Variants in PDGFC observed in about 807,000 individuals in gnomAD.
The protein encoded by PDGFC is platelet derived growth factor C.
A neutral mutation model predicts 35.5 loss-of-function variants in PDGFC; 12 were observed. The observed-to-expected ratio is 0.34, with a 90% CI of 0.22 to 0.55. The LOEUF (loss-of-function observed/expected upper bound fraction) is 0.55, where lower values mean the gene tolerates loss of function less well. PDGFC is among the 20% of genes least tolerant of loss of function. The pLI is 0.91. For synonymous variants in PDGFC, 159 were observed against 148.8 expected, an observed-to-expected ratio of 1.07 and a Z score of -0.50; for missense variants, 322 against 412.4, an observed-to-expected ratio of 0.78 and a Z score of 1.90.
chr4:156,790,962 C>A (rs1731284331), intron 3 of PDGFC, among the ~76,000 whole-genome samples: 1 of 152,162 alleles, frequency 6.6e-6, no homozygotes, highest in Admixed American at 6.5e-5. Context: ...ATCAATTTCA[C>A]ATCTTGAAGG....
intron 1 of PDGFC, among the ~76,000 whole-genome samples, chr4:156,912,012 T>C (rs1431886118): frequency 1.3e-5 from 2 of 152,062 alleles, no homozygotes; most frequent in Non-Finnish European, 2.9e-5. Flanking sequence ...AAAGAGAAAC[T>C]AGAGTATGAA....
At chr4:156,951,970 T>A (rs1376116224) in intron 1 of PDGFC, among the ~76,000 whole-genome samples, 1 of 151,832 alleles carries the variant, frequency 6.6e-6, no homozygotes, top group Non-Finnish European at 1.5e-5. Context: ...TCAAACTTTC[T>A]TCCCCAAAAT....
At chr4:156,871,114 C>T (rs749109670) in intron 1 of PDGFC, among the ~76,000 whole-genome samples, 2 of 152,050 alleles carry the variant, frequency 1.3e-5, no homozygotes, top group Non-Finnish European at 1.5e-5. Flanking sequence ...GTATTCCTTC[C>T]TATTAACTGC....
At chr4:156,868,916 T>C (rs1167993943) in intron 1 of PDGFC, among the ~76,000 whole-genome samples, 1 of 152,200 alleles carries the variant, frequency 6.6e-6, no homozygotes, top group Admixed American at 6.5e-5. Flanking sequence ...AGCTCAGAAC[T>C]CTTTTTCAAA....
intron 1 of PDGFC, among the ~76,000 whole-genome samples, chr4:156,943,887 C>A (rs1433356061): frequency 6.6e-6 from 1 of 152,144 alleles, no homozygotes; most frequent in Non-Finnish European, 1.5e-5. Context: ...TCTGCCTTTT[C>A]TTCCACTGTG....
rs149909201 is a variant in PDGFC at position 156,816,912 on chromosome 4, T to A, written c.315-5895A>T. On this transcript the variant is annotated intron_variant, in intron 2 of 5. Transcript: ENST00000502773. ...TAGTCAATGTGGTAATTTAGGCCTATAAATTTTATAGAGATTTATTTTAAT... is the reference window on the plus strand; with the variant it reads ...TAGTCAATGTGGTAATTTAGGCCTAAAAATTTTATAGAGATTTATTTTAAT... Among the ~76,000 whole-genome samples, 128 of 152,318 alleles carry A rather than the reference T, an allele frequency of 8.4e-4. 2 individuals carry two copies. The East Asian group carries it at 0.022, about 26-fold the overall frequency.
intron 1 of PDGFC, among the ~76,000 whole-genome samples, chr4:156,940,350 A>T (rs1339151278): frequency 6.6e-6 from 1 of 152,086 alleles, no homozygotes; most frequent in Non-Finnish European, 1.5e-5. Flanking sequence ...AATGCCCTAA[A>T]TATAGGTTAT....
intron 2 of PDGFC, among the ~76,000 whole-genome samples, chr4:156,833,418 C>G (rs1728991219): frequency 6.6e-6 from 1 of 152,178 alleles, no homozygotes. Context: ...TAAACTTTAA[C>G]TTTGCACCAA....
intron 2 of PDGFC, among the ~76,000 whole-genome samples, chr4:156,838,454 T>G (rs1449308555): frequency 6.6e-6 from 1 of 152,248 alleles, no homozygotes; most frequent in East Asian, 1.9e-4. Context: ...GAAAACTTTT[T>G]GTCTCTTTCA....
intron 4 of PDGFC, among the ~76,000 whole-genome samples, chr4:156,771,754 C>T (rs1730698948): frequency 6.6e-6 from 1 of 152,140 alleles, no homozygotes; most frequent in Admixed American, 6.6e-5. Context: ...TTGTGAATGG[C>T]TCAAATTAAC....
At chr4:156,923,603 A>T (rs1479029912) in intron 1 of PDGFC, among the ~76,000 whole-genome samples, 2 of 152,242 alleles carry the variant, frequency 1.3e-5, no homozygotes, top group African/African-American at 4.8e-5. Flanking sequence ...ATGAAATATG[A>T]AAGCAAATAT....
intron 4 of PDGFC, among the ~76,000 whole-genome samples, chr4:156,768,243 G>A (rs934619419): frequency 6.6e-6 from 1 of 150,476 alleles, no homozygotes; most frequent in Admixed American, 6.6e-5. Flanking sequence ...TAAGAACAGA[G>A]CCAACAAAAC....
chr4:156,953,555 A>G (rs1408145574), intron 1 of PDGFC, among the ~76,000 whole-genome samples: 1 of 151,944 alleles, frequency 6.6e-6, no homozygotes, highest in Non-Finnish European at 1.5e-5. Flanking sequence ...GAAAAAGTAG[A>G]GAAAAAAAGA....
At chr4:156,783,462 C>G (rs1248537222) in intron 3 of PDGFC, among the ~76,000 whole-genome samples, 1 of 152,048 alleles carries the variant, frequency 6.6e-6, no homozygotes, top group African/African-American at 2.4e-5. Context: ...GGCATCTGAA[C>G]CTTTGCTCCT....
intron 1 of PDGFC, among the ~76,000 whole-genome samples, chr4:156,948,640 T>C (rs1039846511): frequency 3.3e-5 from 5 of 151,936 alleles, no homozygotes; most frequent in African/African-American, 9.7e-5. Flanking sequence ...AAGCTTACTA[T>C]AGGAAATTTG....
intron 1 of PDGFC, among the ~76,000 whole-genome samples, chr4:156,961,781 C>A (rs1213649610): frequency 6.6e-6 from 1 of 152,102 alleles, no homozygotes; most frequent in Non-Finnish European, 1.5e-5. Context: ...TCCCTTTTAT[C>A]CCAATTGCGG....
intron 2 of PDGFC, among the ~76,000 whole-genome samples, chr4:156,838,140 A>G (rs904468039): frequency 6.6e-6 from 1 of 152,234 alleles, no homozygotes; most frequent in Non-Finnish European, 1.5e-5. Flanking sequence ...TGCGCGTAGT[A>G]AAAACAGTAA....
At chr4:156,767,140 C>T (rs1730560985) in intron 5 of PDGFC, among the ~76,000 whole-genome samples, 2 of 151,774 alleles carry the variant, frequency 1.3e-5, no homozygotes, top group African/African-American at 4.8e-5. Context: ...TGGGAGACTC[C>T]ATCACTAAGA....
At chr4:156,764,655 A>C (rs1730472537) in intron 5 of PDGFC, among the ~76,000 whole-genome samples, 1 of 152,234 alleles carries the variant, frequency 6.6e-6, no homozygotes, top group African/African-American at 2.4e-5. Context: ...CATCTATTTC[A>C]CAATTCTAAA....
Sources: gnomAD v4.1 joint callset for allele counts (sites outside exome capture counted in the v4.1 genomes callset) on GRCh38, gnomAD v4.1.1 for gene constraint, MANE v1.5 for transcripts, NCBI Gene and HGNC (gene_info 2026-07-23, HGNC 2026-07-21) for gene names.